The following RELN variants were observed in gnomAD, a reference collection of about 807,000 sequenced individuals.
RELN encodes reelin.
Under a neutral mutation model 427.6 loss-of-function variants are expected in RELN, and 108 were observed. The ratio of observed to expected loss-of-function variants is 0.25; its 90% CI spans 0.22 to 0.30. The LOEUF (loss-of-function observed/expected upper bound fraction) is 0.30. Ranked by LOEUF, RELN falls within the 10% of genes least tolerant of loss-of-function variation. RELN has a pLI of 1.00. For synonymous variants in RELN, 1,524 were observed against 1,513.4 expected (o/e 1.01, Z -0.16); for missense variants, 3,715 against 4,302.8 (o/e 0.86, Z 3.82).
At chr7:103,776,480 C>T (rs1401540289) in intron 4 of RELN, 77 bp downstream of exon 4, 11 of 1,403,232 alleles carry the variant, frequency 7.8e-6, no homozygotes, top group South Asian at 1.2e-5. Flanking sequence ...TAATGAAATG[C>T]TTACTTGGTA....
intron 3 of RELN, among the ~76,000 whole-genome samples, chr7:103,818,873 A>G (rs1424991232): frequency 8.5e-5 from 13 of 152,130 alleles, no homozygotes; most frequent in Non-Finnish European, 1.6e-4. Flanking sequence ...TAAAAACTAA[A>G]ATTGAACACA....
chr7:103,485,380 T>C (rs1828398412), intron 61 of RELN, among the ~76,000 whole-genome samples: 1 of 152,212 alleles, frequency 6.6e-6, no homozygotes, highest in African/African-American at 2.4e-5. Context: ...TAATATTATA[T>C]TTTCCAAAGT....
At chr7:103,888,200 A>G (rs1208268980) in intron 2 of RELN, among the ~76,000 whole-genome samples, 1 of 151,532 alleles carries the variant, frequency 6.6e-6, no homozygotes, top group Non-Finnish European at 1.5e-5. Flanking sequence ...CCAAACTGAC[A>G]TCTGGACCTG....
At chr7:103,911,784 C>T (rs915349446) in intron 2 of RELN, among the ~76,000 whole-genome samples, 8 of 128,442 alleles carry the variant, frequency 6.2e-5, no homozygotes, top group Non-Finnish European at 9.5e-5. Flanking sequence ...TATTCTCACT[C>T]ATAGGTGGGA....
rs549154269 is a variant in RELN, at chr7:103,988,731, C to A, written c.226+400G>T. On this transcript the variant is annotated intron_variant, in intron 1 of 64. Transcript: ENST00000428762. This position sits in a 1 kb window ranked among gnomAD's most constrained non-coding sequence, Gnocchi z 4.9. ...CCAGCGACAGCCCCCAACGCCCCCC[C>A]GGGGACCCATCTGGGGGGACCGGGA... Among the ~76,000 whole-genome samples, 148 of 152,288 alleles carry A rather than the reference C, an allele frequency of 9.7e-4. No individual in the cohort carries two copies. Among genetic ancestry groups the A allele is most frequent in the Non-Finnish European group, 1.7e-3 (119 of 68,016 alleles).
intron 3 of RELN, among the ~76,000 whole-genome samples, chr7:103,794,239 A>C (rs1368134972): frequency 6.6e-6 from 1 of 152,170 alleles, no homozygotes; most frequent in East Asian, 1.9e-4. Flanking sequence ...CTCTGGGCTC[A>C]AGGTTCAGGC....
In RELN at chr7:103,642,200, A is replaced by G. The variant is rs572616699; in HGVS notation, c.2003-1591T>C. ...GGCTAAGATTTTCAGGGTGATTTCC[A>G]AAGTAATTTCTTTACACACTAGCAG... On this transcript the variant is annotated intron_variant, in intron 16 of 64. Coordinates refer to ENST00000428762, the MANE Select transcript of RELN (RefSeq NM_005045.4). 2.6e-5 allele frequency among the ~76,000 whole-genome samples: 4 copies of G among 152,268 alleles called. No individual in the cohort carries two copies. The South Asian group carries it at 8.3e-4, about 32-fold the overall frequency.
chr7:103,579,594 A>G (rs1294730486), intron 28 of RELN, among the ~76,000 whole-genome samples: 1 of 145,856 alleles, frequency 6.9e-6, no homozygotes, highest in Non-Finnish European at 1.5e-5. Context: ...GTAAGACTCC[A>G]TCTCCAAAAA....
intron 11 of RELN, among the ~76,000 whole-genome samples, chr7:103,665,589 A>T (rs1345909273): frequency 1.3e-5 from 2 of 152,084 alleles, no homozygotes; most frequent in Non-Finnish European, 2.9e-5. Context: ...ATAAGAAGTT[A>T]TCTATTGAAT....
At chr7:103,827,577 C>T (rs563858939) in intron 3 of RELN, among the ~76,000 whole-genome samples, 7 of 152,100 alleles carry the variant, frequency 4.6e-5, no homozygotes, top group African/African-American at 1.4e-4. Context: ...TAAGAACACA[C>T]ATTAGACCCT....
Position 103,661,412 on chromosome 7 carries a change from T to C in RELN, c.1405A>G (p.Thr469Ala), listed in dbSNP as rs182533022. The C allele has an allele frequency of 1.3e-5, 21 of 1,608,088 alleles. No homozygotes were observed. Among genetic ancestry groups the C allele is most frequent in the African/African-American group, 2.7e-5 (2 of 74,910 alleles). ...TAAAACCTCAGGTTCCCATAACCGG[T>C]AGTGTCCATGGATGGAGTGCATAAT... ...RKLCTPSMDT[T>A]GYGNLRFYFV... Residue 469 changes from threonine to alanine, a missense_variant, in exon 12 of 65, where the codon ACC becomes GCC. Thr to Ala is a moderately conservative substitution (Grantham distance 58). This residue lies in a region of RELN where 2,208 missense variants were observed against 2,361.7 expected (regional missense o/e 0.93). Transcript: ENST00000428762.
At chr7:103,755,649 T>C (rs1791125389) in intron 4 of RELN, among the ~76,000 whole-genome samples, 1 of 142,468 alleles carries the variant, frequency 7.0e-6, no homozygotes, top group African/African-American at 2.6e-5. Flanking sequence ...AATAAAATAA[T>C]TAAATAACAT....
chr7:103,629,030 A>T (rs945330863), intron 20 of RELN, among the ~76,000 whole-genome samples: 1 of 152,018 alleles, frequency 6.6e-6, no homozygotes, highest in Non-Finnish European at 1.5e-5. Context: ...CGCCTGGGGG[A>T]ACTGTGTGCA....
At chr7:103,771,032 C>T (rs1584479079) in intron 4 of RELN, among the ~76,000 whole-genome samples, 1 of 150,520 alleles carries the variant, frequency 6.6e-6, no homozygotes. Context: ...CTCTTGTACT[C>T]GGCTTCTGGA....
intron 12 of RELN, among the ~76,000 whole-genome samples, chr7:103,656,728 A>G (rs1160800685): frequency 1.3e-5 from 2 of 152,126 alleles, no homozygotes; most frequent in East Asian, 1.9e-4. Flanking sequence ...TACTGTATGG[A>G]TCAGGGTTTC....
At chr7:103,843,909 T>TCTCC (rs112101262) in intron 2 of RELN, among the ~76,000 whole-genome samples, 8 of 152,260 alleles carry the variant, frequency 5.3e-5, no homozygotes, top group African/African-American at 1.9e-4. Flanking sequence ...CACTGCATAC[T>TCTCC]CTCCCTCCCT....
At chr7:103,557,879 T>C (rs1463610190) in intron 37 of RELN, 86 bp downstream of exon 37, 2 of 725,582 alleles carry the variant, frequency 2.8e-6, no homozygotes, top group East Asian at 5.3e-5. Context: ...ACAAAACTTA[T>C]GGGCCTTAAA....
At chr7:103,866,084 T>G (rs972478163) in intron 2 of RELN, among the ~76,000 whole-genome samples, 1 of 152,062 alleles carries the variant, frequency 6.6e-6, no homozygotes, top group East Asian at 1.9e-4. Context: ...AATGGGATAA[T>G]GCCAGTTAAA....
chr7:103,516,942 C>T (rs1303863325), intron 49 of RELN, among the ~76,000 whole-genome samples: 1 of 151,914 alleles, frequency 6.6e-6, no homozygotes, highest in African/African-American at 2.4e-5. Context: ...ATTTATACAA[C>T]TTGAATTTTA....
Sources: gnomAD v4.1 joint callset for allele counts (sites outside exome capture counted in the v4.1 genomes callset) on GRCh38, gnomAD v4.1.1 for gene constraint, gnomAD v4.1.1 regional missense constraint, Gnocchi (gnomAD v3.1) non-coding constraint, MANE v1.5 for transcripts, NCBI Gene and HGNC (gene_info 2026-07-23, HGNC 2026-07-21) for gene names.